The following EMCN variants were observed in gnomAD, a reference collection of about 807,000 sequenced individuals.
EMCN encodes the protein MUC-14.
In EMCN, 37 loss-of-function variants were observed where a neutral mutation model predicts 38.4. The ratio of observed to expected loss-of-function variants is 0.96; its 90% CI spans 0.74 to 1.27. The LOEUF is 1.27. Among genes scored for constraint, EMCN ranks in the 50% most tolerant of loss-of-function variants. EMCN has a pLI of 0.00. For synonymous variants in EMCN, 95 were observed against 100.8 expected (o/e 0.94, Z 0.35); for missense variants, 318 against 302.8 (o/e 1.05, Z -0.37).
At chr4:100,427,301 T>C (rs1478276279) in intron 5 of EMCN, among the ~76,000 whole-genome samples, 1 of 152,090 alleles carries the variant, frequency 6.6e-6, no homozygotes, top group African/African-American at 2.4e-5. Flanking sequence ...GAACAGGATC[T>C]TGCTCTGTCT....
Position 100,396,439 on chromosome 4 carries a change from G to A in EMCN, c.*1974C>T, listed in dbSNP as rs930876802. 1 of 151,802 alleles carries A rather than the reference G, an allele frequency of 6.6e-6. No homozygotes were observed. The highest frequency in any genetic ancestry group is 1.5e-5 in the Non-Finnish European group (1 of 67,956). 9.4% of individuals were successfully genotyped at this position (151,802 alleles called of 1,614,324 possible). ...ATTACTTATAATTTAAATTGCAGAAGAGTTCATTTCTTTGGAATATGCTGT... is the reference window on the plus strand; with the variant it reads ...ATTACTTATAATTTAAATTGCAGAAAAGTTCATTTCTTTGGAATATGCTGT... On this transcript the variant is annotated 3_prime_UTR_variant, in exon 12 of 12. Coordinates refer to ENST00000296420, the MANE Select transcript of EMCN (RefSeq NM_016242.4).
chr4:100,473,373 G>GTTTTTTGTT (rs1728540152), intron 3 of EMCN, among the ~76,000 whole-genome samples: 1 of 65,984 alleles, frequency 1.5e-5, no homozygotes, highest in African/African-American at 4.6e-5. Context: ...GTGTTTTTTT[G>GTTTTTTGTT]TTTTTTTTTT....
At chr4:100,512,599 G>A (rs1026828811) in intron 1 of EMCN, among the ~76,000 whole-genome samples, 3 of 151,976 alleles carry the variant, frequency 2.0e-5, no homozygotes, top group African/African-American at 7.2e-5. Context: ...GAGGTCAGGA[G>A]TTCGCAACCA....
intron 1 of EMCN, among the ~76,000 whole-genome samples, chr4:100,493,638 G>A (rs1238182305): frequency 1.3e-5 from 2 of 152,146 alleles, no homozygotes; most frequent in Non-Finnish European, 2.9e-5. Flanking sequence ...TTTAGAAATT[G>A]CAAAATATTT....
At chr4:100,487,725 T>C (rs1451546883) in intron 1 of EMCN, among the ~76,000 whole-genome samples, 1 of 152,168 alleles carries the variant, frequency 6.6e-6, no homozygotes, top group Non-Finnish European at 1.5e-5. Context: ...CCTGCCGTCA[T>C]GTAAGACATG....
intron 11 of EMCN, among the ~76,000 whole-genome samples, chr4:100,407,321 G>T (rs1339144682): frequency 6.6e-6 from 1 of 152,140 alleles, no homozygotes; most frequent in African/African-American, 2.4e-5. Flanking sequence ...AGCATCAATG[G>T]TGTATGAACT....
chr4:100,460,801 C>T (rs1264671205), intron 4 of EMCN, among the ~76,000 whole-genome samples: 1 of 152,152 alleles, frequency 6.6e-6, no homozygotes, highest in Non-Finnish European at 1.5e-5. Flanking sequence ...TCATTTGATA[C>T]AATCTCATTT....
At chr4:100,485,325 A>AT (rs1728913419) in intron 1 of EMCN, among the ~76,000 whole-genome samples, 1 of 152,120 alleles carries the variant, frequency 6.6e-6, no homozygotes, top group Admixed American at 6.6e-5. Context: ...AAATAAAATA[A>AT]TTGCCAGTTT....
intron 2 of EMCN, among the ~76,000 whole-genome samples, chr4:100,475,667 T>A (rs398051063): frequency 0.073 from 3,303 of 45,348 alleles, 407 homozygotes; most frequent in East Asian, 0.14. Flanking sequence ...TCCTTTTTTT[T>A]TTTTTTTTTT....
chr4:100,515,770 G>A (rs1329250361), intron 1 of EMCN, among the ~76,000 whole-genome samples: 2 of 151,966 alleles, frequency 1.3e-5, no homozygotes, highest in African/African-American at 4.8e-5. Context: ...GGAACTAGGG[G>A]TTAAGGAAAA....
chr4:100,503,284 G>A (rs1213750121), intron 1 of EMCN, among the ~76,000 whole-genome samples: 1 of 152,032 alleles, frequency 6.6e-6, no homozygotes. Flanking sequence ...AGTTTTGATA[G>A]GCTATAGTTT....
intron 4 of EMCN, among the ~76,000 whole-genome samples, chr4:100,462,347 T>G (rs1243118639): frequency 6.6e-6 from 1 of 152,106 alleles, no homozygotes; most frequent in South Asian, 2.1e-4. Flanking sequence ...TCCCCAGAAC[T>G]GAGACGCAGA....
At chr4:100,417,400 T>A (rs1726766416) in intron 8 of EMCN, among the ~76,000 whole-genome samples, 1 of 152,194 alleles carries the variant, frequency 6.6e-6, no homozygotes, top group Non-Finnish European at 1.5e-5. Context: ...ATCTTGTAGT[T>A]TCATATCACT....
At chr4:100,478,501 G>C (rs891703378) in intron 2 of EMCN, among the ~76,000 whole-genome samples, 10 of 152,138 alleles carry the variant, frequency 6.6e-5, no homozygotes, top group African/African-American at 2.4e-4. Context: ...CTGGCATGAA[G>C]TCTGGGTTCC....
chr4:100,473,365 G>GTTTTTTTTTTTTTTTTTTTTTTTT lies in EMCN; in HGVS notation c.259+1672_259+1673insAAAAAAAAAAAAAAAAAAAAAAAA. 7.7e-4 allele frequency among the ~76,000 whole-genome samples: 23 copies of GTTTTTTTTTTTTTTTTTTTTTTTT among 29,874 alleles called. 2 individuals are homozygous for GTTTTTTTTTTTTTTTTTTTTTTTT. The highest frequency in any genetic ancestry group is 2.2e-3 in the South Asian group (1 of 456). 19.6% of individuals were successfully genotyped at this position (29,874 alleles called of 152,430 possible). On this transcript the variant is annotated intron_variant, in intron 3 of 11. Transcript: ENST00000296420. ...TTCTAATGGGCATTTCCCGTTTCGT[G>GTTTTTTTTTTTTTTTTTTTTTTTT]TTTTTTTGTTTTTTTTTTTTGTTTT... is the stretch of plus-strand genomic sequence containing the variant.
chr4:100,497,750 T>C (rs1729248400), intron 1 of EMCN, among the ~76,000 whole-genome samples: 1 of 152,000 alleles, frequency 6.6e-6, no homozygotes. Flanking sequence ...AAAATGACAA[T>C]ATAAAAATAA....
intron 1 of EMCN, among the ~76,000 whole-genome samples, chr4:100,516,534 C>A (rs556636708): frequency 1.3e-5 from 2 of 152,024 alleles, no homozygotes; most frequent in African/African-American, 4.8e-5. Flanking sequence ...GCAATAATTT[C>A]TGTGGTACCA....
intron 5 of EMCN, among the ~76,000 whole-genome samples, chr4:100,435,257 A>C (rs1447110342): frequency 6.6e-6 from 1 of 152,196 alleles, no homozygotes; most frequent in African/African-American, 2.4e-5. Context: ...CCAAATCATG[A>C]ATAAACTCAC....
chr4:100,472,521 T>G (rs2110271411), intron 3 of EMCN, among the ~76,000 whole-genome samples: 1 of 152,278 alleles, frequency 6.6e-6, no homozygotes, highest in Non-Finnish European at 1.5e-5. Context: ...CCCTGATTGT[T>G]AAGATGGCAA....
Sources: gnomAD v4.1 joint callset for allele counts (sites outside exome capture counted in the v4.1 genomes callset) on GRCh38, gnomAD v4.1.1 for gene constraint, MANE v1.5 for transcripts, NCBI Gene and HGNC (gene_info 2026-07-23, HGNC 2026-07-21) for gene names.